Variants in SHISA6 observed in about 807,000 individuals in gnomAD.
SHISA6 encodes the protein shisa family member 6.
A neutral mutation model predicts 47.9 loss-of-function variants in SHISA6; 22 were observed. The ratio of observed to expected loss-of-function variants is 0.46; its 90% CI spans 0.33 to 0.66. SHISA6 has a LOEUF of 0.66. Ranked by LOEUF, SHISA6 falls within the 30% of genes least tolerant of loss-of-function variation. The pLI, the probability that SHISA6 is intolerant of heterozygous loss-of-function variation, is 0.02. For missense variants in SHISA6, 680 were observed against 764.6 expected, an observed-to-expected ratio of 0.89 and a Z score of 1.30; for synonymous variants, 388 against 337.8, an observed-to-expected ratio of 1.15 and a Z score of -1.63.
intron 3 of SHISA6, among the ~76,000 whole-genome samples, chr17:11,532,278 C>G (rs925272654): frequency 6.6e-6 from 1 of 152,170 alleles, no homozygotes; most frequent in South Asian, 2.1e-4. Context: ...CCACGTATAC[C>G]ATATTCCACT....
intron 3 of SHISA6, among the ~76,000 whole-genome samples, chr17:11,424,531 T>C (rs1033295011): frequency 6.6e-6 from 1 of 151,406 alleles, no homozygotes; most frequent in Non-Finnish European, 1.5e-5. Context: ...ACAATACTAT[T>C]GGCCTGCAAT....
At chr17:11,293,500 G>A (rs1461369702) in intron 2 of SHISA6, among the ~76,000 whole-genome samples, 1 of 152,164 alleles carries the variant, frequency 6.6e-6, no homozygotes, top group Admixed American at 6.5e-5. Flanking sequence ...TTCCCTGAGA[G>A]CATGGATCAG....
intron 2 of SHISA6, among the ~76,000 whole-genome samples, chr17:11,324,483 T>C (rs1257586481): frequency 6.6e-6 from 1 of 152,140 alleles, no homozygotes; most frequent in Non-Finnish European, 1.5e-5. Flanking sequence ...GTGGACCTCA[T>C]GGGAAATGAA....
At chr17:11,307,844 G>C (rs569715273) in intron 2 of SHISA6, among the ~76,000 whole-genome samples, 19 of 151,646 alleles carry the variant, frequency 1.3e-4, no homozygotes, top group African/African-American at 2.0e-4. Flanking sequence ...TTGTTACATA[G>C]ATAGGATTGG....
intron 3 of SHISA6, among the ~76,000 whole-genome samples, chr17:11,453,210 T>A (rs921967577): frequency 3.3e-5 from 5 of 152,196 alleles, no homozygotes; most frequent in Admixed American, 1.3e-4. Flanking sequence ...TTATCATAGA[T>A]GATCCATTGT....
In SHISA6 at chr17:11,560,588, C is replaced by A. The variant is rs181301337; in HGVS notation, c.*2284C>A. The A allele has an allele frequency of 7.9e-5, 12 of 152,418 alleles. No individual in the cohort carries two copies. The East Asian group carries it at 2.3e-3, about 30-fold the overall frequency. 9.4% of individuals were successfully genotyped at this position (152,418 alleles called of 1,614,324 possible). ...AAAGGACCTGAGTGGCTGAGAATGCCCTTCCCAGGTGTCTACATGCAGGTA... is the reference window on the plus strand; with the variant it reads ...AAAGGACCTGAGTGGCTGAGAATGCACTTCCCAGGTGTCTACATGCAGGTA... On this transcript the variant is annotated 3_prime_UTR_variant, in exon 6 of 6. Transcript: ENST00000441885.
At chr17:11,492,791 C>T (rs976999953) in intron 3 of SHISA6, among the ~76,000 whole-genome samples, 22 of 152,182 alleles carry the variant, frequency 1.4e-4, no homozygotes, top group Non-Finnish European at 2.8e-4. Flanking sequence ...TCTCTTCATG[C>T]TCAAGAAGTC....
At chr17:11,384,387 A>ACT (rs1160313960) in intron 3 of SHISA6, among the ~76,000 whole-genome samples, 2 of 152,258 alleles carry the variant, frequency 1.3e-5, no homozygotes, top group African/African-American at 4.8e-5. Flanking sequence ...CAGCATGAAC[A>ACT]CTAGATTGGC....
intron 2 of SHISA6, among the ~76,000 whole-genome samples, chr17:11,309,253 A>G (rs1910237160): frequency 6.6e-6 from 1 of 152,238 alleles, no homozygotes; most frequent in Admixed American, 6.5e-5. Flanking sequence ...GCTCAAGCCA[A>G]CACGCCCCAC....
chr17:11,260,425 A>G (rs1210251953), intron 1 of SHISA6, among the ~76,000 whole-genome samples: 1 of 152,060 alleles, frequency 6.6e-6, no homozygotes, highest in Non-Finnish European at 1.5e-5. Flanking sequence ...GGGGGGTGAC[A>G]GGGCCCTGCT....
chr17:11,532,906 G>C (rs113869277), intron 3 of SHISA6, among the ~76,000 whole-genome samples: 1 of 152,008 alleles, frequency 6.6e-6, no homozygotes, highest in Non-Finnish European at 1.5e-5. Flanking sequence ...GGAAATAGGC[G>C]TGTTGGTGCA....
chr17:11,351,915 T>G (rs1393857554), intron 2 of SHISA6, among the ~76,000 whole-genome samples: 1 of 152,170 alleles, frequency 6.6e-6, no homozygotes, highest in East Asian at 1.9e-4. Context: ...GTGGTGCTAT[T>G]GGGATGGGCA....
chr17:11,495,028 G>A (rs559161056), intron 3 of SHISA6, among the ~76,000 whole-genome samples: 1 of 152,272 alleles, frequency 6.6e-6, no homozygotes, highest in African/African-American at 2.4e-5. Context: ...GTCATGTGGG[G>A]TTTCCTGAGA....
intron 3 of SHISA6, among the ~76,000 whole-genome samples, chr17:11,448,160 C>G (rs888997746): frequency 3.9e-5 from 6 of 152,166 alleles, no homozygotes; most frequent in African/African-American, 1.4e-4. Flanking sequence ...TGGAGTATCT[C>G]CTAAGCTCTG....
At chr17:11,374,550 G>A (rs189500939) in intron 2 of SHISA6, among the ~76,000 whole-genome samples, 5 of 151,902 alleles carry the variant, frequency 3.3e-5, no homozygotes, top group Admixed American at 2.6e-4. Context: ...GTTTATGTTT[G>A]TATATTTTTC....
chr17:11,395,070 C>T lies in SHISA6; in HGVS notation c.895+15561C>T, dbSNP rs146643015. ...AGGCTGGAGTGCAGTGGCGCGATCT[C>T]GGCTCACTGCAAGCTCTGCCTCCTG... On this transcript the variant is annotated intron_variant, in intron 3 of 5. Coordinates refer to ENST00000441885, the MANE Select transcript of SHISA6 (RefSeq NM_207386.4). Among the ~76,000 whole-genome samples the T allele has an allele frequency of 1.4e-4, 19 of 138,554 alleles. No homozygotes were observed. In the East Asian group the frequency reaches 3.6e-3, roughly 26 times the overall value. The allele number at this position is 138,554 out of a possible 152,430, so 90.9% of individuals were successfully genotyped here. A position where few individuals can be genotyped will look rare whatever the true frequency, so the allele number is the denominator to read the frequency against.
chr17:11,479,575 T>G (rs1388275846), intron 3 of SHISA6, among the ~76,000 whole-genome samples: 1 of 151,814 alleles, frequency 6.6e-6, no homozygotes, highest in African/African-American at 2.4e-5. Flanking sequence ...CATGTATACT[T>G]ATGTAACAAA....
chr17:11,535,892 TGTGTGTGTGTGTGTG>T (rs2071782493), intron 3 of SHISA6, among the ~76,000 whole-genome samples: 1 of 151,896 alleles, frequency 6.6e-6, no homozygotes, highest in South Asian at 2.1e-4. Flanking sequence ...ACAATGTGTG[TGTGTGTGTGTGTGTG>T]GTGTGTGTGT....
chr17:11,378,391 TTC>T (rs1912888145), intron 2 of SHISA6, among the ~76,000 whole-genome samples: 1 of 152,196 alleles, frequency 6.6e-6, no homozygotes, highest in Non-Finnish European at 1.5e-5. Flanking sequence ...AGCACTGTGA[TTC>T]TGTTTAATGA....
Sources: allele counts gnomAD v4.1 joint callset (sites outside exome capture counted in the v4.1 genomes callset), GRCh38; gene constraint gnomAD v4.1.1; transcripts MANE v1.5; gene names NCBI Gene and HGNC (gene_info 2026-07-23, HGNC 2026-07-21).